The following TBC1D2 variants were observed in gnomAD, a reference collection of about 807,000 sequenced individuals.
TBC1D2 encodes the protein TBC1 domain family member 2, also known as TBC1 domain family member 2A.
Under a neutral mutation model 91.1 loss-of-function variants are expected in TBC1D2, and 58 were observed. The ratio of observed to expected loss-of-function variants is 0.64; its 90% CI spans 0.52 to 0.79. The LOEUF (loss-of-function observed/expected upper bound fraction) is 0.79, where lower values mean the gene tolerates loss of function less well. Among genes scored for constraint, TBC1D2 ranks in the 30% least tolerant of loss-of-function variants. The pLI, the probability that TBC1D2 is intolerant of heterozygous loss-of-function variation, is 0.00. For synonymous variants in TBC1D2, 482 were observed against 511.5 expected (o/e 0.94, Z 0.78); for missense variants, 1,080 against 1,208.3 (o/e 0.89, Z 1.57).
Position 98,210,767 on chromosome 9 carries a change from A to G in TBC1D2, c.1562T>C (p.Leu521Pro). ...LAGLRRLQEA[L>P]GDEASECSEL... ...TGAGCACTCGCTGGCTTCGTCCCCC[A>G]GGGCCTCCTGCAGCCTTCTCAGACC... Residue 521 changes from leucine (L) to proline (P), a missense_variant, in exon 8 of 13, where the codon CTG becomes CCG. Physicochemically the swap from Leu to Pro is moderately conservative, Grantham distance 98. Coordinates refer to ENST00000465784, the MANE Select transcript of TBC1D2 (RefSeq NM_001267571.2). The G allele has an allele frequency of 1.3e-6, 2 of 1,564,128 alleles. No individual in the cohort carries two copies. The highest frequency in any genetic ancestry group is 1.7e-6 in the Non-Finnish European group (2 of 1,154,166).
At chr9:98,219,996 C>T (rs1414710555) in intron 6 of TBC1D2, among the ~76,000 whole-genome samples, 1 of 152,282 alleles carries the variant, frequency 6.6e-6, no homozygotes, top group Admixed American at 6.5e-5. Context: ...GCAGGCAACA[C>T]ACTTCACATA....
chr9:98,218,158 A>T (rs908922638), intron 6 of TBC1D2, among the ~76,000 whole-genome samples: 5 of 152,076 alleles, frequency 3.3e-5, no homozygotes, highest in African/African-American at 1.2e-4. Context: ...GGCCTTATGC[A>T]ACCCTTTAAA....
intron 7 of TBC1D2, among the ~76,000 whole-genome samples, chr9:98,212,796 G>A (rs1326823340): frequency 6.6e-6 from 1 of 152,122 alleles, no homozygotes; most frequent in Non-Finnish European, 1.5e-5. Flanking sequence ...GAGCCACCAC[G>A]CCTGGCCCCA....
rs1347218249 is a variant in TBC1D2 at position 98,208,766 on chromosome 9, G to A, written c.2052C>T (p.Phe684=). Residue 684 remains phenylalanine, a synonymous_variant, in exon 9 of 13, where the codon TTC becomes TTT. Transcript: ENST00000465784. ...CGGGGAAGCTGGAGGTGGGGCAGGT[G>A]AAGTGTTTGTTGTTGGGGAAGGTCC... ...LNRTFPNNKH[F]TCPTSSFPDK... is the part of the protein sequence containing the mutation. The A allele has an allele frequency of 1.3e-6, 2 of 1,577,456 alleles. No individual in the cohort carries two copies. The highest frequency in any genetic ancestry group is 1.7e-6 in the Non-Finnish European group (2 of 1,156,972).
chr9:98,203,246 C>G (rs1368033879), intron 10 of TBC1D2, 42 bp downstream of exon 10: 3 of 1,610,646 alleles, frequency 1.9e-6, no homozygotes, highest in Non-Finnish European at 2.5e-6. Flanking sequence ...CTCTGGGGCA[C>G]TGCCCTACAT....
chr9:98,245,711 T>A (rs1829751067), intron 2 of TBC1D2, among the ~76,000 whole-genome samples: 1 of 152,200 alleles, frequency 6.6e-6, no homozygotes, highest in Non-Finnish European at 1.5e-5. Flanking sequence ...ATTTTACTGT[T>A]TTTTTTCCAA....
chr9:98,250,052 C>T (rs1309719503), intron 2 of TBC1D2, among the ~76,000 whole-genome samples: 1 of 152,054 alleles, frequency 6.6e-6, no homozygotes, highest in Admixed American at 6.5e-5. Flanking sequence ...ACAGGTCTCC[C>T]TTGAAGTGTT....
rs372819824 is a variant in TBC1D2 at position 98,220,682 on chromosome 9, C to T, written c.1374+151G>A. ...AAGTGAAGAAGCGTAGAGCAATATT[C>T]CCATCAACATGTGTTTCTAATGTGA... On this transcript the variant is annotated intron_variant, in intron 6 of 12. Coordinates refer to ENST00000465784, the MANE Select transcript of TBC1D2 (RefSeq NM_001267571.2). 1,257 of 1,018,978 alleles carry T rather than the reference C, an allele frequency of 1.2e-3. 33 individuals are homozygous for T. In the South Asian group the frequency reaches 0.019, roughly 15 times the overall value. The allele number at this position is 1,018,978 out of a possible 1,614,324, so 63.1% of individuals were successfully genotyped here.
In TBC1D2 at chr9:98,223,925, CGTG is replaced by C. The variant is rs1353875364; in HGVS notation, c.979-2700_979-2698del. The stretch of plus-strand genomic sequence containing the variant: ...ATTCTTAAAAATAGGTTGGGCCGGG[CGTG>C]GTGGCTCACGCCTGTAATCCCAGCA... On this transcript the variant is annotated intron_variant, in intron 5 of 12. Coordinates refer to ENST00000465784, the MANE Select transcript of TBC1D2 (RefSeq NM_001267571.2). Among the ~76,000 whole-genome samples, 5 of 152,284 alleles carry C rather than the reference CGTG, an allele frequency of 3.3e-5. No individual in the cohort carries two copies. In the East Asian group the frequency reaches 9.7e-4, roughly 30 times the overall value.
At chr9:98,255,120 C>A (rs951179917) in intron 1 of TBC1D2, 53 bp downstream of exon 1, 26 of 1,555,512 alleles carry the variant, frequency 1.7e-5, no homozygotes, top group East Asian at 2.3e-5. Flanking sequence ...CCTTGCCCTG[C>A]GAAAAGGGGA....
chr9:98,237,157 T>C (rs1829524814), intron 3 of TBC1D2, among the ~76,000 whole-genome samples: 1 of 151,736 alleles, frequency 6.6e-6, no homozygotes, highest in Admixed American at 6.6e-5. Context: ...GCCAACATAG[T>C]GAAACTCCGT....
intron 5 of TBC1D2, among the ~76,000 whole-genome samples, chr9:98,224,280 C>CTTTT (rs1170210699): frequency 6.7e-4 from 72 of 107,418 alleles, no homozygotes; most frequent in Non-Finnish European, 9.2e-4. Flanking sequence ...TTTTTCTTTT[C>CTTTT]TTTTTTTTTT....
At chr9:98,210,244 C>T (rs1377541114) in intron 8 of TBC1D2, among the ~76,000 whole-genome samples, 4 of 152,192 alleles carry the variant, frequency 2.6e-5, no homozygotes, top group African/African-American at 9.7e-5. Context: ...GACTACTCAG[C>T]CTCCAGGGGC....
chr9:98,235,817 G>A (rs929731245), intron 3 of TBC1D2, among the ~76,000 whole-genome samples: 2 of 152,092 alleles, frequency 1.3e-5, no homozygotes, highest in Non-Finnish European at 2.9e-5. Context: ...GGCAGATCAC[G>A]AGGTCAGGAG....
In TBC1D2 at chr9:98,210,795, C is replaced by G; in HGVS notation, c.1534G>C (p.Ala512Pro). 1 of 1,554,238 alleles carries G rather than the reference C, an allele frequency of 6.4e-7. No individual in the cohort carries two copies. The highest frequency in any genetic ancestry group is 8.7e-7 in the Non-Finnish European group (1 of 1,148,450). Residue 512 changes from alanine (A) to proline (P), a missense_variant, in exon 8 of 13, where the codon GCC (alanine) becomes CCC (proline). Transcript: ENST00000465784. ...RNCQVESKYL[A>P]GLRRLQEALG... ...GCCTCCTGCAGCCTTCTCAGACCGG[C>G]CAGGTACTTGCTTTCCACCTGGCAG...
intron 4 of TBC1D2, 116 bp downstream of exon 4, chr9:98,233,300 C>A: frequency 7.2e-7 from 1 of 1,393,200 alleles, no homozygotes; most frequent in Non-Finnish European, 9.5e-7. Context: ...GTAGCCCAAG[C>A]CAACTAAGAC....
At chr9:98,207,207 A>G (rs1828677164) in intron 9 of TBC1D2, among the ~76,000 whole-genome samples, 1 of 152,362 alleles carries the variant, frequency 6.6e-6, no homozygotes, top group South Asian at 2.1e-4. Context: ...GAAATAGAGT[A>G]TGAAAAATAT....
intron 5 of TBC1D2, among the ~76,000 whole-genome samples, chr9:98,221,646 C>A (rs1829104651): frequency 6.6e-6 from 1 of 152,106 alleles, no homozygotes; most frequent in Admixed American, 6.5e-5. Context: ...GAAAGGGCTG[C>A]CCCCCAGCTC....
chr9:98,209,993 T>C (rs3887955), intron 8 of TBC1D2, among the ~76,000 whole-genome samples: 41,583 of 129,370 alleles, frequency 0.32, 7,693 homozygotes, highest in African/African-American at 0.55. Context: ...CACTCTTCTT[T>C]TTTTTTTTTT....
Sources: allele counts gnomAD v4.1 joint callset (sites outside exome capture counted in the v4.1 genomes callset), GRCh38; gene constraint gnomAD v4.1.1; transcripts MANE v1.5; gene names NCBI Gene and HGNC (gene_info 2026-07-23, HGNC 2026-07-21).